The following CDH13 variants were observed in gnomAD, a reference collection of about 807,000 sequenced individuals.
CDH13 encodes cadherin-13.
A neutral mutation model predicts 63.8 loss-of-function variants in CDH13; 24 were observed. That is an observed-to-expected ratio of 0.38 (90% confidence interval 0.27 to 0.53). CDH13 has a LOEUF of 0.53. Among genes scored for constraint, CDH13 ranks in the 20% least tolerant of loss-of-function variants. The probability of loss-of-function intolerance (pLI) is 0.85; values close to 1 mark genes in which losing one functional copy is unlikely to be tolerated. For missense variants in CDH13, 1,049 were observed against 903.1 expected (o/e 1.16, Z -2.07); for synonymous variants, 503 against 355.3 (o/e 1.42, Z -4.67).
intron 6 of CDH13, among the ~76,000 whole-genome samples, chr16:83,409,385 A>G (rs1005334428): frequency 2.6e-5 from 4 of 152,172 alleles, no homozygotes; most frequent in African/African-American, 9.6e-5. Flanking sequence ...GCCCTCATGC[A>G]GCGACACGGG....
At chr16:83,430,400 A>G (rs2072060997) in intron 6 of CDH13, among the ~76,000 whole-genome samples, 1 of 152,248 alleles carries the variant, frequency 6.6e-6, no homozygotes, top group East Asian at 1.9e-4. Flanking sequence ...AATAAATGAA[A>G]AACCTGATTT....
At chr16:83,553,289 T>A (rs886843230) in intron 7 of CDH13, among the ~76,000 whole-genome samples, 1 of 152,210 alleles carries the variant, frequency 6.6e-6, no homozygotes, top group Non-Finnish European at 1.5e-5. Flanking sequence ...TGAAGGATTT[T>A]TTCCTGATTC....
At chr16:83,290,640 A>G (rs916862783) in intron 5 of CDH13, among the ~76,000 whole-genome samples, 1 of 152,172 alleles carries the variant, frequency 6.6e-6, no homozygotes, top group East Asian at 1.9e-4. Flanking sequence ...ACAGAGTAAT[A>G]TATTCCCTCT....
intron 6 of CDH13, among the ~76,000 whole-genome samples, chr16:83,481,619 G>A (rs547326512): frequency 2.4e-4 from 36 of 152,316 alleles, no homozygotes; most frequent in Non-Finnish European, 4.0e-4. Context: ...GCTGGCGGCC[G>A]TGTCCTTCGG....
At chr16:83,002,083 G>A (rs1478111338) in intron 2 of CDH13, among the ~76,000 whole-genome samples, 4 of 152,202 alleles carry the variant, frequency 2.6e-5, no homozygotes, top group Non-Finnish European at 2.9e-5. Context: ...ATACAACAGT[G>A]GATATGATGG....
At chr16:82,876,654 A>T (rs1449558860) in intron 2 of CDH13, among the ~76,000 whole-genome samples, 1 of 152,210 alleles carries the variant, frequency 6.6e-6, no homozygotes, top group East Asian at 1.9e-4. Flanking sequence ...GATAGGAATA[A>T]CTTAACTCCA....
chr16:83,071,264 C>G (rs1195774523), intron 3 of CDH13, among the ~76,000 whole-genome samples: 3 of 152,146 alleles, frequency 2.0e-5, no homozygotes, highest in African/African-American at 7.2e-5. Context: ...AAGCAAAAGC[C>G]TCCTTCAGCA....
chr16:82,975,686 T>C (rs1473257590), intron 2 of CDH13, among the ~76,000 whole-genome samples: 1 of 152,226 alleles, frequency 6.6e-6, no homozygotes, highest in African/African-American at 2.4e-5. Context: ...GGATTTTTCT[T>C]GTAATCTGCA....
chr16:83,125,270 G>C, intron 3 of CDH13, 115 bp from the exon 4 acceptor site: 1 of 652,352 alleles, frequency 1.5e-6, no homozygotes, highest in Non-Finnish European at 2.8e-6. Flanking sequence ...ATGGAATACA[G>C]TGAACACTTT....
intron 7 of CDH13, among the ~76,000 whole-genome samples, chr16:83,533,126 C>T (rs112660245): frequency 1.3e-5 from 2 of 152,280 alleles, no homozygotes; most frequent in African/African-American, 4.8e-5. Flanking sequence ...GAGAGGAGAG[C>T]GAGATGCTAA....
At chr16:82,917,273 G>T (rs1052624415) in intron 2 of CDH13, among the ~76,000 whole-genome samples, 12 of 152,198 alleles carry the variant, frequency 7.9e-5, no homozygotes, top group African/African-American at 2.9e-4. Flanking sequence ...ATCTCCATTG[G>T]GTGGGTCCAA....
intron 7 of CDH13, among the ~76,000 whole-genome samples, chr16:83,563,784 C>A (rs1265055830): frequency 6.6e-6 from 1 of 152,144 alleles, no homozygotes; most frequent in Non-Finnish European, 1.5e-5. Flanking sequence ...GCCCTATTTT[C>A]TGCCTTTCCT....
chr16:82,763,296 T>G (rs1284622521), intron 1 of CDH13, among the ~76,000 whole-genome samples: 3 of 152,224 alleles, frequency 2.0e-5, no homozygotes, highest in Admixed American at 6.5e-5. Context: ...CCTGCTTTGC[T>G]TTTTCTTCAC....
intron 10 of CDH13, among the ~76,000 whole-genome samples, chr16:83,704,332 T>C (rs1166471543): frequency 6.6e-6 from 1 of 152,072 alleles, no homozygotes; most frequent in African/African-American, 2.4e-5. Context: ...TAAAATGCAC[T>C]CATGTTCTCA....
At chr16:82,833,638 C>T (rs12920406) in intron 1 of CDH13, among the ~76,000 whole-genome samples, 21,638 of 152,202 alleles carry the variant, frequency 0.14, 1,661 homozygotes, top group Non-Finnish European at 0.16. Flanking sequence ...CCGCTCTGTT[C>T]TTCCATCTGT....
rs115862918 is a variant in CDH13, at chr16:82,873,156, A to G, written c.157+14683A>G. ...CCAGTGAGGTAAAAATCAATGGTAT[A>G]AACACTTAGGCTGAGGGAGTAACTC... is the stretch of plus-strand genomic sequence containing the variant. On this transcript the variant is annotated intron_variant, in intron 2 of 13. Transcript: ENST00000567109. Among the ~76,000 whole-genome samples the G allele has an allele frequency of 9.2e-3, 1,403 of 152,284 alleles. 28 individuals carry two copies. Among genetic ancestry groups the G allele is most frequent in the African/African-American group, 0.033 (1,357 of 41,558 alleles).
chr16:83,072,153 T>C (rs2032484673), intron 3 of CDH13, among the ~76,000 whole-genome samples: 1 of 152,210 alleles, frequency 6.6e-6, no homozygotes, highest in Non-Finnish European at 1.5e-5. Context: ...AAATTGTGCA[T>C]GTATTTTACC....
chr16:82,700,863 A>G (rs1332901531), intron 1 of CDH13, among the ~76,000 whole-genome samples: 1 of 150,796 alleles, frequency 6.6e-6, no homozygotes. Flanking sequence ...TATTCAGAAC[A>G]CTAATCTGAT....
intron 7 of CDH13, among the ~76,000 whole-genome samples, chr16:83,559,314 G>A (rs1053555177): frequency 2.0e-5 from 3 of 152,328 alleles, no homozygotes; most frequent in East Asian, 1.9e-4. Flanking sequence ...GTTCACACCT[G>A]TAATCCCAAC....
Sources: gnomAD v4.1 joint callset for allele counts (sites outside exome capture counted in the v4.1 genomes callset) on GRCh38, gnomAD v4.1.1 for gene constraint, MANE v1.5 for transcripts, NCBI Gene and HGNC (gene_info 2026-07-23, HGNC 2026-07-21) for gene names.